HLCS: variants seen among roughly 807,000 people sequenced by gnomAD.
HLCS encodes biotin--protein ligase.
HLCS carries 53 observed loss-of-function variants against 75.0 expected under a neutral mutation model. That is an observed-to-expected ratio of 0.71 (90% CI 0.57 to 0.89). The LOEUF (loss-of-function observed/expected upper bound fraction) is 0.89, where lower values mean the gene tolerates loss of function less well. Among genes scored for constraint, HLCS ranks in the 40% least tolerant of loss-of-function variants. The probability of loss-of-function intolerance (pLI) is 0.00; values close to 1 mark genes in which losing one functional copy is unlikely to be tolerated. For synonymous variants in HLCS, 431 were observed against 428.6 expected (o/e 1.01, Z -0.07); for missense variants, 966 against 1,074.0 (o/e 0.90, Z 1.41).
intron 6 of HLCS, among the ~76,000 whole-genome samples, chr21:36,810,601 A>G (rs1176929331): frequency 6.6e-6 from 1 of 152,120 alleles, no homozygotes; most frequent in Admixed American, 6.5e-5. Context: ...TTTCTGAATT[A>G]TACCCAGTTT....
At chr21:36,970,161 C>T (rs2068747080), upstream of HLCS, among the ~76,000 whole-genome samples, 1 of 152,224 alleles carries the variant, frequency 6.6e-6, no homozygotes, top group South Asian at 2.1e-4. Context: ...CTGACATTAA[C>T]TCAGTACCTG....
intron 3 of HLCS, 38 bp from the exon 4 acceptor site, chr21:36,937,430 C>T: frequency 6.6e-7 from 1 of 1,521,748 alleles, no homozygotes; most frequent in East Asian, 2.3e-5. Context: ...GAAAATTAAT[C>T]AACACTTCTT....
chr21:36,768,820 G>A (rs1042336318), intron 6 of HLCS, among the ~76,000 whole-genome samples: 3 of 152,238 alleles, frequency 2.0e-5, no homozygotes, highest in Admixed American at 2.0e-4. Flanking sequence ...TCCTTTTCTT[G>A]TGTTGGACCA....
In HLCS at chr21:36,854,514, T is replaced by C. The variant is rs756248946; in HGVS notation, c.1892+42346A>G. Among the ~76,000 whole-genome samples, 14 of 152,276 alleles carry C rather than the reference T, an allele frequency of 9.2e-5. 1 individual carries two copies. The highest frequency in any genetic ancestry group is 5.9e-4 in the Admixed American group (9 of 15,288). On this transcript the variant is annotated intron_variant, in intron 6 of 10. Coordinates refer to ENST00000674895, the MANE Select transcript of HLCS (RefSeq NM_001352514.2). ...GCAGGGGGAGTGACTTCTTAGGCGC[T>C]GGTTTTCCTCCTGTTTATGAGAGTA... is the stretch of plus-strand genomic sequence containing the variant.
At chr21:36,944,575 T>C (rs2067296639) in intron 2 of HLCS, among the ~76,000 whole-genome samples, 1 of 152,178 alleles carries the variant, frequency 6.6e-6, no homozygotes, top group Non-Finnish European at 1.5e-5. Flanking sequence ...CTTTATTTTT[T>C]TTCCTGCTTC....
chr21:36,861,772 C>T (rs538467997), intron 6 of HLCS, among the ~76,000 whole-genome samples: 1 of 152,306 alleles, frequency 6.6e-6, no homozygotes, highest in South Asian at 2.1e-4. Context: ...AATAGCTTTA[C>T]TGAGACATAA....
In HLCS at chr21:36,765,020, C is replaced by G. The variant is rs149736764; in HGVS notation, c.2113G>C (p.Glu705Gln). The G allele has an allele frequency of 9.3e-6, 15 of 1,614,200 alleles. No homozygotes were observed. Among genetic ancestry groups the G allele is most frequent in the Admixed American group, 1.7e-5 (1 of 60,024 alleles). The part of the protein sequence containing the change: ...AVVEAVRSIP[E>Q]YQDINLRVKW... ...GACTGAACTGTACCTACCTGATACTCGGGAATGGACCTCACTGCTTCCACG... is the reference window on the plus strand; with the variant it reads ...GACTGAACTGTACCTACCTGATACTGGGGAATGGACCTCACTGCTTCCACG... Residue 705 changes from glutamate to glutamine, a missense_variant, in exon 8 of 11, where the codon GAG (glutamate) becomes CAG (glutamine). By Grantham distance (29) the Glu-to-Gln change is conservative (BLOSUM62 2). Transcript: ENST00000674895.
chr21:36,968,844 A>G (rs1468532403), upstream of HLCS: 1 of 152,170 alleles, frequency 6.6e-6, no homozygotes, highest in Non-Finnish European at 1.5e-5. Context: ...GAAGGTGACC[A>G]ACATCTCCAG....
intron 4 of HLCS, among the ~76,000 whole-genome samples, chr21:36,934,693 C>T (rs1473293573): frequency 6.6e-6 from 1 of 152,148 alleles, no homozygotes; most frequent in Non-Finnish European, 1.5e-5. Flanking sequence ...CTGTGTTCTG[C>T]CCTTGAAATA....
chr21:36,850,496 C>T (rs567779149), intron 6 of HLCS, among the ~76,000 whole-genome samples: 11 of 152,302 alleles, frequency 7.2e-5, no homozygotes, highest in Admixed American at 2.0e-4. Flanking sequence ...CCCCAAGCTC[C>T]ACAGGCTTGC....
intron 6 of HLCS, among the ~76,000 whole-genome samples, chr21:36,805,404 C>T (rs1036848766): frequency 1.3e-5 from 2 of 152,160 alleles, no homozygotes; most frequent in Non-Finnish European, 1.5e-5. Flanking sequence ...GGCCCGGCTC[C>T]GGGCGCTGTG....
At chr21:36,873,946 T>C (rs1256827417) in intron 6 of HLCS, among the ~76,000 whole-genome samples, 1 of 152,220 alleles carries the variant, frequency 6.6e-6, no homozygotes, top group East Asian at 1.9e-4. Context: ...TTATAGTTAT[T>C]GCTTTCTGTC....
intron 6 of HLCS, among the ~76,000 whole-genome samples, chr21:36,841,745 G>T (rs1219029367): frequency 6.6e-6 from 1 of 152,244 alleles, no homozygotes; most frequent in Non-Finnish European, 1.5e-5. Flanking sequence ...AGGCAACTAA[G>T]ACGTGAGCTA....
intron 6 of HLCS, among the ~76,000 whole-genome samples, chr21:36,873,129 G>T (rs13052306): frequency 0.48 from 71,970 of 148,460 alleles, 19,679 homozygotes; most frequent in African/African-American, 0.76. Flanking sequence ...CTTTTTTTTT[G>T]TTTGTTTGAG....
intron 6 of HLCS, among the ~76,000 whole-genome samples, chr21:36,859,624 C>T (rs1345139157): frequency 3.3e-5 from 5 of 152,236 alleles, no homozygotes; most frequent in Admixed American, 3.3e-4. Flanking sequence ...AAACCCACAG[C>T]TGGAGTGGCC....
intron 6 of HLCS, among the ~76,000 whole-genome samples, chr21:36,884,226 C>T (rs1003262738): frequency 6.4e-4 from 98 of 152,340 alleles, no homozygotes; most frequent in African/African-American, 2.2e-3. Flanking sequence ...TTTTGTAAAA[C>T]CTTCCAGCCT....
In HLCS at chr21:36,888,445, AATATATATATATATATAT is replaced by A. The variant is rs71198839; in HGVS notation, c.1892+8397_1892+8414del. Among the ~76,000 whole-genome samples the A allele has an allele frequency of 1.6e-3, 38 of 24,100 alleles. 2 individuals carry two copies. In the East Asian group the frequency reaches 0.023, roughly 15 times the overall value. 15.8% of individuals were successfully genotyped at this position (24,100 alleles called of 152,430 possible). Reference sequence around the variant, plus strand: ...CCCCTTCCCATTTAAAAAAAAAAAAAATATATATATATATATATATATATATATATATATATATATATA... The same window carrying A: ...CCCCTTCCCATTTAAAAAAAAAAAAAATATATATATATATATATATATATA... On this transcript the variant is annotated intron_variant, in intron 6 of 10. Transcript: ENST00000674895.
intron 6 of HLCS, among the ~76,000 whole-genome samples, chr21:36,816,152 C>T (rs530592129): frequency 1.3e-5 from 2 of 152,210 alleles, no homozygotes; most frequent in East Asian, 3.9e-4. Flanking sequence ...CTACTCTTAG[C>T]CTCAGTTTTT....
chr21:36,790,456 T>C (rs1365924376), intron 6 of HLCS, among the ~76,000 whole-genome samples: 1 of 152,110 alleles, frequency 6.6e-6, no homozygotes, highest in Non-Finnish European at 1.5e-5. Context: ...GTTTGTTGGC[T>C]GATGTAGAGG....
Sources: allele counts gnomAD v4.1 joint callset (sites outside exome capture counted in the v4.1 genomes callset), GRCh38; gene constraint gnomAD v4.1.1; transcripts MANE v1.5; gene names NCBI Gene and HGNC (gene_info 2026-07-23, HGNC 2026-07-21).